Variants in ADORA2B observed in about 807,000 individuals in gnomAD.
The protein encoded by ADORA2B is adenosine A2b receptor, also known as adenosine receptor A2b.
Under a neutral mutation model 20.8 loss-of-function variants are expected in ADORA2B, and 18 were observed. That is an observed-to-expected ratio of 0.87 (90% CI 0.60 to 1.29). ADORA2B has a LOEUF of 1.29. ADORA2B is among the 50% of genes most tolerant of loss of function. The pLI is 0.00. For missense variants in ADORA2B, 441 were observed against 422.7 expected (o/e 1.04, Z -0.38); for synonymous variants, 179 against 178.3 (o/e 1.00, Z -0.03).
At chr17:15,912,512 C>T in the ADORA2B span, among the ~76,000 whole-genome samples, 2 of 152,200 alleles carry the variant, frequency 1.3e-5, no homozygotes, top group Non-Finnish European at 2.9e-5. Flanking sequence ...TCTTCTCAGA[C>T]AGCACAGGCT....
intron 1 of ADORA2B, among the ~76,000 whole-genome samples, chr17:15,967,294 TCTCA>T (rs10556115): frequency 0.57 from 86,267 of 150,034 alleles, 25,140 homozygotes; most frequent in Middle Eastern, 0.65. Flanking sequence ...AGTGGTGCAA[TCTCA>T]CTCAGTTCAC....
At chr17:15,958,207 A>G (rs1597425527) in intron 1 of ADORA2B, among the ~76,000 whole-genome samples, 1 of 152,232 alleles carries the variant, frequency 6.6e-6, no homozygotes, top group East Asian at 1.9e-4. Flanking sequence ...CAGTAGAGAC[A>G]GGGTTTCTCC....
chr17:15,897,534 C>A, the ADORA2B span, among the ~76,000 whole-genome samples: 1 of 152,166 alleles, frequency 6.6e-6, no homozygotes. Flanking sequence ...CCCCACTGCA[C>A]TCCAGCCTGG....
At chr17:15,927,882 A>G in the ADORA2B span, among the ~76,000 whole-genome samples, 4 of 152,194 alleles carry the variant, frequency 2.6e-5, no homozygotes, top group African/African-American at 9.6e-5. Flanking sequence ...GAAGGTGAGT[A>G]GACAGGGAAA....
chr17:15,961,396 T>C (rs983603942), intron 1 of ADORA2B, among the ~76,000 whole-genome samples: 1 of 152,206 alleles, frequency 6.6e-6, no homozygotes, highest in Non-Finnish European at 1.5e-5. Flanking sequence ...GTGGCAATAC[T>C]GTCTACATGA....
intron 1 of ADORA2B, among the ~76,000 whole-genome samples, chr17:15,954,102 C>T (rs1195055588): frequency 6.6e-6 from 1 of 152,106 alleles, no homozygotes; most frequent in Non-Finnish European, 1.5e-5. Flanking sequence ...CCTCAGCCTC[C>T]CGAGTAGCTG....
chr17:15,898,189 T>G, the ADORA2B span, among the ~76,000 whole-genome samples: 7 of 152,132 alleles, frequency 4.6e-5, no homozygotes, highest in Non-Finnish European at 8.8e-5. Context: ...AACAGAGAGA[T>G]CAGTAAGGAT....
At chr17:15,889,715 T>C in the ADORA2B span, among the ~76,000 whole-genome samples, 1 of 129,404 alleles carries the variant, frequency 7.7e-6, no homozygotes, top group East Asian at 2.0e-4. Flanking sequence ...CTGGCCAACA[T>C]GGCAAAATCC....
chr17:15,924,847 G>T, the ADORA2B span, among the ~76,000 whole-genome samples: 1 of 151,006 alleles, frequency 6.6e-6, no homozygotes, highest in Non-Finnish European at 1.5e-5. Flanking sequence ...TCTTTCAAAT[G>T]TTTTTTTCTT....
the ADORA2B span, among the ~76,000 whole-genome samples, chr17:15,938,774 C>G: frequency 6.6e-6 from 1 of 152,210 alleles, no homozygotes; most frequent in South Asian, 2.1e-4. Flanking sequence ...TAAACATGCT[C>G]TTGAGCTTAG....
chr17:15,877,934 A>T, the ADORA2B span, among the ~76,000 whole-genome samples: 1 of 151,872 alleles, frequency 6.6e-6, no homozygotes, highest in African/African-American at 2.4e-5. Context: ...TTGTCCATCA[A>T]CTTTTCAGCT....
At chr17:15,910,547 C>T in the ADORA2B span, among the ~76,000 whole-genome samples, 1 of 152,212 alleles carries the variant, frequency 6.6e-6, no homozygotes, top group Admixed American at 6.5e-5. Context: ...GATTCACCCG[C>T]CTCGGCCTCC....
chr17:15,954,690 C>T (rs1969945472), intron 1 of ADORA2B, among the ~76,000 whole-genome samples: 1 of 152,192 alleles, frequency 6.6e-6, no homozygotes, highest in Non-Finnish European at 1.5e-5. Context: ...TCGCTTGAGC[C>T]CAGGAGGTTG....
the ADORA2B span, among the ~76,000 whole-genome samples, chr17:15,911,903 G>GA: frequency 6.6e-6 from 1 of 152,086 alleles, no homozygotes; most frequent in Non-Finnish European, 1.5e-5. Flanking sequence ...ATCTCTGCAA[G>GA]AAAATTTTTT....
the ADORA2B span, among the ~76,000 whole-genome samples, chr17:15,931,444 C>T: frequency 6.6e-6 from 1 of 152,210 alleles, no homozygotes; most frequent in South Asian, 2.1e-4. Context: ...ACTTCCATGT[C>T]CTTTTCCTTA....
the ADORA2B span, among the ~76,000 whole-genome samples, chr17:15,854,385 G>T: frequency 6.6e-5 from 10 of 152,202 alleles, no homozygotes; most frequent in Admixed American, 1.3e-4. Context: ...AGTCATCTTA[G>T]TAGATGATAG....
the ADORA2B span, among the ~76,000 whole-genome samples, chr17:15,913,499 CT>C: frequency 6.6e-6 from 1 of 152,170 alleles, no homozygotes; most frequent in South Asian, 2.1e-4. Flanking sequence ...AGAAGGACCC[CT>C]GGAGGGAAAC....
the ADORA2B span, among the ~76,000 whole-genome samples, chr17:15,875,369 TG>T: frequency 6.6e-6 from 1 of 152,208 alleles, no homozygotes; most frequent in African/African-American, 2.4e-5. Flanking sequence ...GATCTCCTAC[TG>T]TGAAAGATGA....
chr17:15,949,245 G>A (rs1969860695), intron 1 of ADORA2B, among the ~76,000 whole-genome samples: 1 of 152,058 alleles, frequency 6.6e-6, no homozygotes. Context: ...AGGCACAGTG[G>A]CTCACGCCTG....
Sources: allele counts gnomAD v4.1 joint callset (sites outside exome capture counted in the v4.1 genomes callset), GRCh38; gene constraint gnomAD v4.1.1; transcripts MANE v1.5; gene names NCBI Gene and HGNC (gene_info 2026-07-23, HGNC 2026-07-21).